The following CDK19 variants were observed in gnomAD, a reference collection of about 807,000 sequenced individuals.
CDK19 encodes the protein cyclin dependent kinase 19.
CDK19 carries 20 observed loss-of-function variants against 68.3 expected under a neutral mutation model. That is an observed-to-expected ratio of 0.29 (90% CI 0.21 to 0.43). The LOEUF is 0.43. Among genes scored for constraint, CDK19 ranks in the 20% least tolerant of loss-of-function variants. CDK19 has a pLI of 1.00. For synonymous variants in CDK19, 221 were observed against 222.8 expected (o/e 0.99, Z 0.07); for missense variants, 339 against 623.5 (o/e 0.54, Z 4.86).
chr6:110,729,113 C>T (rs1164303735), intron 2 of CDK19, among the ~76,000 whole-genome samples: 1 of 152,070 alleles, frequency 6.6e-6, no homozygotes, highest in Non-Finnish European at 1.5e-5. Flanking sequence ...ATTATTCTCC[C>T]TATTTTTACA....
intron 2 of CDK19, among the ~76,000 whole-genome samples, chr6:110,726,307 A>C (rs1461579670): frequency 6.6e-6 from 1 of 152,212 alleles, no homozygotes; most frequent in African/African-American, 2.4e-5. Flanking sequence ...AGTAAGAATA[A>C]ACAGATGTTA....
At chr6:110,631,995 A>C in intron 6 of CDK19, 35 bp downstream of exon 6, 2 of 1,562,480 alleles carry the variant, frequency 1.3e-6, no homozygotes, top group Non-Finnish European at 1.7e-6. Flanking sequence ...TGATCGTTAG[A>C]TGACAAGATA....
chr6:110,814,067 C>T (rs1783350543), intron 1 of CDK19: 1 of 158,666 alleles, frequency 6.3e-6, no homozygotes, highest in Admixed American at 6.2e-5. Context: ...TCCAGCTCTT[C>T]TTAAGAGGAC....
At chr6:110,740,572 A>T (rs749486735) in intron 2 of CDK19, among the ~76,000 whole-genome samples, 5 of 152,186 alleles carry the variant, frequency 3.3e-5, no homozygotes, top group African/African-American at 4.8e-5. Flanking sequence ...GTAAACTTGT[A>T]CTTCTTCCAA....
chr6:110,810,323 C>T (rs914284359), intron 1 of CDK19, among the ~76,000 whole-genome samples: 2 of 152,136 alleles, frequency 1.3e-5, no homozygotes, highest in Non-Finnish European at 1.5e-5. Flanking sequence ...AAACGTATAG[C>T]TTTCCAAAAA....
chr6:110,743,964 C>A (rs1260996695), intron 2 of CDK19, among the ~76,000 whole-genome samples: 1 of 150,008 alleles, frequency 6.7e-6, no homozygotes, highest in Non-Finnish European at 1.5e-5. Flanking sequence ...TGTGACAAAT[C>A]ACTTACCAAA....
intron 4 of CDK19, among the ~76,000 whole-genome samples, chr6:110,649,941 A>T (rs1253542254): frequency 6.6e-6 from 1 of 152,240 alleles, no homozygotes; most frequent in Non-Finnish European, 1.5e-5. Flanking sequence ...TTGCAAAAGG[A>T]ACAACTATAT....
intron 2 of CDK19, among the ~76,000 whole-genome samples, chr6:110,732,939 C>T (rs1776873552): frequency 6.6e-6 from 1 of 151,952 alleles, no homozygotes; most frequent in South Asian, 2.1e-4. Flanking sequence ...TGGTGGTGCA[C>T]GCCTGTAATC....
rs1248038377 is a variant in CDK19, at chr6:110,612,380, A to T, written c.*2155T>A. The T allele has an allele frequency of 6.6e-6, 1 of 152,634 alleles. No individual in the cohort carries two copies. Among genetic ancestry groups the T allele is most frequent in the South Asian group, 2.1e-4 (1 of 4,820 alleles). The allele number at this position is 152,634 out of a possible 1,614,324, so 9.5% of individuals were successfully genotyped here. On this transcript the variant is annotated 3_prime_UTR_variant, in exon 13 of 13. Coordinates refer to ENST00000368911, the MANE Select transcript of CDK19 (RefSeq NM_015076.5). ...AGACTGACATAGAAACCCTTCCATA[A>T]TATTATTTACAGAACAGATTTGGGG...
intron 2 of CDK19, among the ~76,000 whole-genome samples, chr6:110,677,290 G>A (rs955840206): frequency 2.2e-4 from 33 of 152,018 alleles, no homozygotes; most frequent in African/African-American, 7.3e-4. Flanking sequence ...TTGGCAGGGC[G>A]CGGTGGCTCA....
chr6:110,766,940 C>G (rs1268946032), intron 1 of CDK19, among the ~76,000 whole-genome samples: 1 of 151,878 alleles, frequency 6.6e-6, no homozygotes, highest in Non-Finnish European at 1.5e-5. Flanking sequence ...TCGAGATCAG[C>G]CTGGCCAACA....
intron 2 of CDK19, among the ~76,000 whole-genome samples, chr6:110,726,767 G>GA (rs1776343866): frequency 6.6e-6 from 1 of 152,048 alleles, no homozygotes; most frequent in Admixed American, 6.6e-5. Flanking sequence ...AAAGGTGCTG[G>GA]AAAAAAGTCC....
At position 110,670,589 on chromosome 6, in the gene CDK19, G is replaced by A. The variant is rs1458596047; in HGVS notation, c.205-48C>T. The A allele has an allele frequency of 3.7e-6, 4 of 1,079,568 alleles. No individual in the cohort carries two copies. The Admixed American group carries it at 5.3e-5, about 14-fold the overall frequency. The allele number at this position is 1,079,568 out of a possible 1,614,324, so 66.9% of individuals were successfully genotyped here. A position where few individuals can be genotyped will look rare whatever the true frequency, so the allele number is the denominator to read the frequency against. On this transcript the variant is annotated intron_variant, in intron 2 of 12. Coordinates refer to ENST00000368911, the MANE Select transcript of CDK19 (RefSeq NM_015076.5). ...GGTCACTGTTGTGTTAGCAAGGAGG[G>A]GGAAATGATGAATGTCTTATAACTT...
rs571524285 is a variant in CDK19, at chr6:110,789,867, C to T, written c.128+25142G>A. Among the ~76,000 whole-genome samples the T allele has an allele frequency of 3.3e-5, 5 of 152,172 alleles. No individual in the cohort carries two copies. In the South Asian group the frequency reaches 1.0e-3, roughly 32 times the overall value. On this transcript the variant is annotated intron_variant, in intron 1 of 12. Transcript: ENST00000368911. ...AATGCAATTCATTTACCAATTTATT[C>T]CAATTGTTGCAAATCTCCAAAAAAT...
intron 1 of CDK19, among the ~76,000 whole-genome samples, chr6:110,792,543 G>A (rs933359912): frequency 5.9e-5 from 9 of 152,154 alleles, no homozygotes; most frequent in Admixed American, 5.2e-4. Flanking sequence ...GAGTAGCTGG[G>A]ATTACAGACG....
At chr6:110,680,587 A>G (rs1179272624) in intron 2 of CDK19, among the ~76,000 whole-genome samples, 1 of 152,252 alleles carries the variant, frequency 6.6e-6, no homozygotes, top group Non-Finnish European at 1.5e-5. Context: ...TAAATGTTCA[A>G]TAATAAGAAA....
rs71541016 is a variant in CDK19 at position 110,639,973 on chromosome 6, G to A, written c.457-1267C>T. 6.0e-3 allele frequency among the ~76,000 whole-genome samples: 914 copies of A among 152,288 alleles called. 6 individuals are homozygous for A. Among genetic ancestry groups the A allele is most frequent in the Middle Eastern group, 0.014 (4 of 294 alleles). ...CACACCTGTTATCCTAGGACTTTGG[G>A]AGACCGAGGCGGGAGACTCACCTGA... On this transcript the variant is annotated intron_variant, in intron 4 of 12. Coordinates refer to ENST00000368911, the MANE Select transcript of CDK19 (RefSeq NM_015076.5).
At chr6:110,755,585 A>G (rs1778782873) in intron 1 of CDK19, among the ~76,000 whole-genome samples, 1 of 152,190 alleles carries the variant, frequency 6.6e-6, no homozygotes, top group Non-Finnish European at 1.5e-5. Flanking sequence ...GACACCAGAA[A>G]CGTGTGGACA....
chr6:110,665,909 T>C (rs1000680870), intron 4 of CDK19, among the ~76,000 whole-genome samples: 4 of 151,816 alleles, frequency 2.6e-5, no homozygotes, highest in African/African-American at 9.7e-5. Flanking sequence ...GCCCAGCCAA[T>C]TTTTCTATTT....
Sources: allele counts gnomAD v4.1 joint callset (sites outside exome capture counted in the v4.1 genomes callset), GRCh38; gene constraint gnomAD v4.1.1; transcripts MANE v1.5; gene names NCBI Gene and HGNC (gene_info 2026-07-23, HGNC 2026-07-21).